Variants in CNBD1 observed in about 807,000 individuals in gnomAD.
CNBD1 encodes the protein cyclic nucleotide-binding domain-containing protein 1.
CNBD1 carries 71 observed loss-of-function variants against 54.4 expected under a neutral mutation model. The ratio of observed to expected loss-of-function variants is 1.30; its 90% confidence interval spans 1.08 to 1.59. The LOEUF (loss-of-function observed/expected upper bound fraction) is 1.59. Ranked by LOEUF, CNBD1 falls within the 40% of genes most tolerant of loss-of-function variation. The pLI, the probability that CNBD1 is intolerant of heterozygous loss-of-function variation, is 0.00. For synonymous variants in CNBD1, 182 were observed against 170.7 expected, an observed-to-expected ratio of 1.07 and a Z score of -0.51; for missense variants, 659 against 518.0, an observed-to-expected ratio of 1.27 and a Z score of -2.64.
At chr8:87,425,593 G>T (rs1307453369) in intron 2 of CNBD1, among the ~76,000 whole-genome samples, 1 of 152,086 alleles carries the variant, frequency 6.6e-6, no homozygotes, top group East Asian at 1.9e-4. Context: ...AGGTGTCAGT[G>T]TGCCCCTGCT....
At chr8:87,360,405 A>G (rs765767813) in intron 10 of CNBD1, among the ~76,000 whole-genome samples, 5 of 151,850 alleles carry the variant, frequency 3.3e-5, no homozygotes, top group Non-Finnish European at 7.4e-5. Context: ...ATTGCCTTGA[A>G]CATCTAAATA....
intron 4 of CNBD1, among the ~76,000 whole-genome samples, chr8:87,042,597 A>C (rs1419110160): frequency 6.6e-6 from 1 of 152,196 alleles, no homozygotes; most frequent in Non-Finnish European, 1.5e-5. Flanking sequence ...GACAATCAGG[A>C]GCCAGCAAGA....
chr8:87,059,413 T>G (rs574525173), intron 4 of CNBD1, among the ~76,000 whole-genome samples: 5 of 152,354 alleles, frequency 3.3e-5, no homozygotes, highest in African/African-American at 1.2e-4. Flanking sequence ...GGTACAAATT[T>G]ACTGTATTAG....
chr8:86,870,189 C>CT lies in CNBD1; in HGVS notation c.88+3621dup, dbSNP rs71275890. Among the ~76,000 whole-genome samples, 111 of 100,598 alleles carry CT rather than the reference C, an allele frequency of 1.1e-3. 4 individuals are homozygous for CT. Among genetic ancestry groups the CT allele is most frequent in the South Asian group, 1.9e-3 (5 of 2,680 alleles). 66.0% of individuals were successfully genotyped at this position (100,598 alleles called of 152,430 possible). On this transcript the variant is annotated intron_variant, in intron 1 of 10. Coordinates refer to ENST00000518476, the MANE Select transcript of CNBD1 (RefSeq NM_173538.3). ...AGAAATTTAGAAACAAGATAGTACT[C>CT]TTTTTTTTTTTTTTTCTGAGACGGA...
intron 4 of CNBD1, among the ~76,000 whole-genome samples, chr8:87,010,735 ACT>A (rs1476313562): frequency 6.6e-6 from 1 of 152,090 alleles, no homozygotes; most frequent in African/African-American, 2.4e-5. Context: ...ACAGAGCGAA[ACT>A]CTGTCTCAAA....
intron 2 of CNBD1, among the ~76,000 whole-genome samples, chr8:87,396,336 A>T (rs1400690195): frequency 6.6e-6 from 1 of 151,952 alleles, no homozygotes; most frequent in Non-Finnish European, 1.5e-5. Flanking sequence ...TTTGTTATTT[A>T]GGAATACAGA....
chr8:86,964,905 G>C (rs11994408), intron 4 of CNBD1, among the ~76,000 whole-genome samples: 4,586 of 152,130 alleles, frequency 0.03, 172 homozygotes, highest in African/African-American at 0.071. Flanking sequence ...AATAGTCCAA[G>C]GTCCCTTCAC....
chr8:87,283,486 A>G (rs1337222396), intron 6 of CNBD1, among the ~76,000 whole-genome samples: 1 of 151,992 alleles, frequency 6.6e-6, no homozygotes, highest in Admixed American at 6.6e-5. Context: ...TTTGTATAAT[A>G]CCTTCCTGGA....
At chr8:87,406,277 G>A (rs750158510) in intron 2 of CNBD1, among the ~76,000 whole-genome samples, 2 of 151,832 alleles carry the variant, frequency 1.3e-5, no homozygotes, top group East Asian at 1.9e-4. Context: ...ATTATTTTTG[G>A]TAAGTATTGG....
At chr8:87,124,616 A>C (rs375987248) in intron 4 of CNBD1, among the ~76,000 whole-genome samples, 12 of 151,768 alleles carry the variant, frequency 7.9e-5, no homozygotes, top group African/African-American at 2.2e-4. Context: ...TTATGGAAAA[A>C]GTTTTCAACA....
intron 6 of CNBD1, among the ~76,000 whole-genome samples, chr8:87,254,565 C>T (rs1459942145): frequency 6.6e-6 from 1 of 152,116 alleles, no homozygotes; most frequent in Non-Finnish European, 1.5e-5. Context: ...ATATTCTTCT[C>T]AGTATAGATA....
At chr8:87,376,515 G>A (rs149594341) in intron 10 of CNBD1, among the ~76,000 whole-genome samples, 1 of 151,782 alleles carries the variant, frequency 6.6e-6, no homozygotes, top group African/African-American at 2.4e-5. Flanking sequence ...AGTAAAAACC[G>A]GCCTAAAAAT....
chr8:87,353,093 T>C (rs1345096279), intron 9 of CNBD1, among the ~76,000 whole-genome samples: 1 of 152,186 alleles, frequency 6.6e-6, no homozygotes, highest in Non-Finnish European at 1.5e-5. Flanking sequence ...CCACAAGGTC[T>C]CTTATTTGAA....
intron 2 of CNBD1, among the ~76,000 whole-genome samples, chr8:87,390,703 A>G (rs539273131): frequency 2.2e-4 from 33 of 152,142 alleles, no homozygotes; most frequent in Non-Finnish European, 4.0e-4. Flanking sequence ...GGGATCTAGA[A>G]CTAGAAATAC....
Position 87,037,566 on chromosome 8 carries a change from T to C in CNBD1, c.431+97812T>C, listed in dbSNP as rs184126024. 2.0e-5 allele frequency among the ~76,000 whole-genome samples: 3 copies of C among 152,226 alleles called. No individual in the cohort carries two copies. In the East Asian group the frequency reaches 5.8e-4, roughly 29 times the overall value. ...TTGGTTCTCCTTTTTAAGATGAAAA[T>C]TTTTTCAGCTTTGTCTTCCAACTCT... On this transcript the variant is annotated intron_variant, in intron 4 of 10. Transcript: ENST00000518476.
intron 10 of CNBD1, among the ~76,000 whole-genome samples, chr8:87,362,785 G>A (rs923447381): frequency 2.0e-5 from 3 of 152,024 alleles, no homozygotes; most frequent in Non-Finnish European, 2.9e-5. Flanking sequence ...TTCCAAGTCA[G>A]GTACATATAA....
chr8:87,062,475 C>G (rs2130641227), intron 4 of CNBD1, among the ~76,000 whole-genome samples: 1 of 152,294 alleles, frequency 6.6e-6, no homozygotes, highest in East Asian at 1.9e-4. Flanking sequence ...CAGTGGCTCA[C>G]ACCTGTAATC....
chr8:86,994,222 AG>A (rs1393768161), intron 4 of CNBD1, among the ~76,000 whole-genome samples: 3 of 152,182 alleles, frequency 2.0e-5, no homozygotes, highest in Non-Finnish European at 4.4e-5. Flanking sequence ...AGACCCTTGG[AG>A]TTGAGCTGCA....
chr8:87,373,359 A>G (rs1028147126), intron 10 of CNBD1, among the ~76,000 whole-genome samples: 29 of 151,950 alleles, frequency 1.9e-4, no homozygotes, highest in Non-Finnish European at 3.4e-4. Context: ...ACCACAAGTA[A>G]CATAATTTGG....
Sources: allele counts gnomAD v4.1 joint callset (sites outside exome capture counted in the v4.1 genomes callset), GRCh38; gene constraint gnomAD v4.1.1; transcripts MANE v1.5; gene names NCBI Gene and HGNC (gene_info 2026-07-23, HGNC 2026-07-21).